GDAP1L1: variants seen among roughly 807,000 people sequenced by gnomAD.
GDAP1L1 encodes ganglioside-induced differentiation-associated protein 1-like 1.
Under a neutral mutation model 37.1 loss-of-function variants are expected in GDAP1L1, and 21 were observed. The observed-to-expected ratio is 0.57, with a 90% CI of 0.40 to 0.81. GDAP1L1 has a LOEUF of 0.81. Among genes scored for constraint, GDAP1L1 ranks in the 40% least tolerant of loss-of-function variants. The pLI is 0.00. For missense variants in GDAP1L1, 362 were observed against 491.6 expected (o/e 0.74, Z 2.49); for synonymous variants, 193 against 209.1 (o/e 0.92, Z 0.67).
intron 5 of GDAP1L1, chr20:44,265,191 T>A: frequency 1.0e-6 from 1 of 985,374 alleles, no homozygotes; most frequent in South Asian, 4.7e-5. Context: ...ACCCAGACTC[T>A]CGTTGACCTT....
intron 1 of GDAP1L1, among the ~76,000 whole-genome samples, chr20:44,253,482 G>T (rs2073482986): frequency 6.6e-6 from 1 of 152,218 alleles, no homozygotes; most frequent in South Asian, 2.1e-4. Flanking sequence ...GCAACTAAAT[G>T]ACTAGGCAGA....
intron 5 of GDAP1L1, among the ~76,000 whole-genome samples, chr20:44,267,465 G>C (rs2062466133): frequency 2.0e-5 from 3 of 152,122 alleles, no homozygotes; most frequent in Admixed American, 2.0e-4. Flanking sequence ...CAAAAAATTA[G>C]CTGGGCATGG....
At chr20:44,269,635 C>A (rs1246295846) in intron 5 of GDAP1L1, among the ~76,000 whole-genome samples, 3 of 151,998 alleles carry the variant, frequency 2.0e-5, no homozygotes, top group Non-Finnish European at 4.4e-5. Context: ...TAAAGAGAAT[C>A]AAAAGTAATT....
chr20:44,262,373 G>A (rs1196138268), intron 3 of GDAP1L1, among the ~76,000 whole-genome samples: 1 of 152,130 alleles, frequency 6.6e-6, no homozygotes, highest in Non-Finnish European at 1.5e-5. Flanking sequence ...GTGGGGTGAG[G>A]TAGTGGGAGG....
intron 4 of GDAP1L1, 55 bp from the exon 5 acceptor site, chr20:44,264,390 C>T (rs2073727523): frequency 2.1e-6 from 3 of 1,409,572 alleles, no homozygotes; most frequent in African/African-American, 2.9e-5. Flanking sequence ...CATCCCTGAA[C>T]ATCCTGGCTC....
At chr20:44,267,714 A>C (rs1222215213) in intron 5 of GDAP1L1, among the ~76,000 whole-genome samples, 1 of 152,160 alleles carries the variant, frequency 6.6e-6, no homozygotes, top group Non-Finnish European at 1.5e-5. Flanking sequence ...GGCTTAGCAC[A>C]GTGCCCGGCA....
intron 1 of GDAP1L1, among the ~76,000 whole-genome samples, chr20:44,256,146 T>C (rs554171606): frequency 6.6e-6 from 1 of 152,224 alleles, no homozygotes; most frequent in Non-Finnish European, 1.5e-5. Flanking sequence ...GCTGAATTGC[T>C]GTGTGACTTT....
At position 44,251,634 on chromosome 20, in the gene GDAP1L1, G is replaced by A. The variant is rs555743808; in HGVS notation, c.180+4120G>A. ...GAGGAAAGCTGATGGGGGCAGCAAC[G>A]AGATGCATCTCCCTGCTTCTCTGCT... On this transcript the variant is annotated intron_variant, in intron 1 of 5. Coordinates refer to ENST00000342560, the MANE Select transcript of GDAP1L1 (RefSeq NM_024034.6). Among the ~76,000 whole-genome samples the A allele has an allele frequency of 4.1e-4, 63 of 152,280 alleles. 1 individual carries two copies. The highest frequency in any genetic ancestry group is 6.5e-4 in the Non-Finnish European group (44 of 68,024).
intron 1 of GDAP1L1, among the ~76,000 whole-genome samples, chr20:44,252,656 A>G (rs896876740): frequency 2.0e-5 from 3 of 151,808 alleles, no homozygotes; most frequent in African/African-American, 7.3e-5. Flanking sequence ...AAACAAACAA[A>G]CAAACAAAAA....
chr20:44,270,474 T>C (rs1041987479), intron 5 of GDAP1L1, among the ~76,000 whole-genome samples: 11 of 152,342 alleles, frequency 7.2e-5, no homozygotes, highest in African/African-American at 2.6e-4. Context: ...CCGGCCTGTC[T>C]TAAATTTTAA....
chr20:44,251,528 A>G (rs1227084562), intron 1 of GDAP1L1, among the ~76,000 whole-genome samples: 1 of 152,204 alleles, frequency 6.6e-6, no homozygotes, highest in Non-Finnish European at 1.5e-5. Context: ...TTGCCTTTCA[A>G]ACTCTTAGGG....
chr20:44,268,772 G>A (rs542085296), intron 5 of GDAP1L1, among the ~76,000 whole-genome samples: 79 of 152,328 alleles, frequency 5.2e-4, no homozygotes, highest in African/African-American at 1.9e-3. Flanking sequence ...GCTGTGTGGG[G>A]AGTCCTCGGG....
rs1487082620 is a variant in GDAP1L1, at chr20:44,279,684, G to A, written c.*384G>A. 4.2e-6 allele frequency: 2 copies of A among 477,134 alleles called. No individual in the cohort carries two copies. The highest frequency in any genetic ancestry group is 3.1e-5 in the South Asian group (2 of 64,632). 29.6% of individuals were successfully genotyped at this position (477,134 alleles called of 1,614,324 possible). On this transcript the variant is annotated 3_prime_UTR_variant, in exon 6 of 6. Coordinates refer to ENST00000342560, the MANE Select transcript of GDAP1L1 (RefSeq NM_024034.6). ...TCTGGGAGGTGCTGGGGACTCAGAG[G>A]GCCTGACCCCTCACCTCCCCTTCCC...
chr20:44,260,819 G>A (rs554817497), intron 3 of GDAP1L1, among the ~76,000 whole-genome samples: 100 of 152,306 alleles, frequency 6.6e-4, no homozygotes, highest in African/African-American at 2.1e-3. Context: ...CTGGGGAGGA[G>A]GGTCTGGCAG....
At chr20:44,277,349 G>A (rs991426903) in intron 5 of GDAP1L1, among the ~76,000 whole-genome samples, 4 of 152,230 alleles carry the variant, frequency 2.6e-5, no homozygotes, top group Admixed American at 6.5e-5. Context: ...GCAGAGGAAT[G>A]AGCTCTGAGG....
chr20:44,261,378 C>T (rs947305969), intron 3 of GDAP1L1, among the ~76,000 whole-genome samples: 10 of 152,130 alleles, frequency 6.6e-5, no homozygotes, highest in African/African-American at 2.2e-4. Flanking sequence ...TCTGGGAGTG[C>T]GTTTACTGGG....
At chr20:44,260,543 A>G (rs968280632) in intron 3 of GDAP1L1, among the ~76,000 whole-genome samples, 1 of 152,064 alleles carries the variant, frequency 6.6e-6, no homozygotes, top group Non-Finnish European at 1.5e-5. Context: ...TCGTTTAAAA[A>G]CGTTTAATCT....
intron 2 of GDAP1L1, among the ~76,000 whole-genome samples, chr20:44,257,872 C>T (rs542508303): frequency 1.3e-4 from 20 of 152,064 alleles, no homozygotes; most frequent in Middle Eastern, 3.4e-3. Context: ...AACCCTGAGA[C>T]AGGGGAGGGC....
At position 44,272,065 on chromosome 20, in the gene GDAP1L1, G is replaced by A. The variant is rs189572979; in HGVS notation, c.761-6892G>A. The stretch of plus-strand genomic sequence containing the variant: ...TCACTGTTGCTCTCCCTCCTCTCCC[G>A]CCCCTGCTTCCTACTTGCCTAACTT... On this transcript the variant is annotated intron_variant, in intron 5 of 5. Transcript: ENST00000342560. Among the ~76,000 whole-genome samples the A allele has an allele frequency of 7.2e-5, 11 of 152,250 alleles. No homozygotes were observed. The East Asian group carries it at 1.7e-3, about 24-fold the overall frequency.
Sources: gnomAD v4.1 joint callset for allele counts (sites outside exome capture counted in the v4.1 genomes callset) on GRCh38, gnomAD v4.1.1 for gene constraint, MANE v1.5 for transcripts, NCBI Gene and HGNC (gene_info 2026-07-23, HGNC 2026-07-21) for gene names.